The following TMIGD2 variants were observed in gnomAD, a reference collection of about 807,000 sequenced individuals.
TMIGD2 encodes transmembrane and immunoglobulin domain-containing protein 2.
A neutral mutation model predicts 22.6 loss-of-function variants in TMIGD2; 18 were observed. That is an observed-to-expected ratio of 0.80 (90% CI 0.55 to 1.18). The LOEUF (loss-of-function observed/expected upper bound fraction) is 1.18. TMIGD2 is among the 50% of genes most tolerant of loss of function. TMIGD2 has a pLI of 0.00. For missense variants in TMIGD2, 361 were observed against 378.2 expected (o/e 0.95, Z 0.38); for synonymous variants, 184 against 154.1 (o/e 1.19, Z -1.44).
chr19:4,302,239 G>A (rs1279547291), intron 1 of TMIGD2, 101 bp downstream of exon 1: 7 of 1,291,014 alleles, frequency 5.4e-6, no homozygotes, highest in Admixed American at 2.4e-5. Context: ...TTATCTGACA[G>A]TAGAGAGACT....
chr19:4,293,771 G>T (rs1043434616), intron 4 of TMIGD2, among the ~76,000 whole-genome samples: 1 of 149,152 alleles, frequency 6.7e-6, no homozygotes, highest in Non-Finnish European at 1.5e-5. Flanking sequence ...TAATTTTTTT[G>T]TTGTTGTTGA....
At chr19:4,292,722 G>A in exon 5 of TMIGD2, 1 of 1,607,976 alleles carries the variant, frequency 6.2e-7, no homozygotes, top group Non-Finnish European at 8.5e-7. Context: ...GTCTCGGGCT[G>A]GGGCAGGGTC....
Position 4,293,840 on chromosome 19 carries a change from C to A in TMIGD2, c.562+727G>T, listed in dbSNP as rs188381313. Among the ~76,000 whole-genome samples, 228 of 152,064 alleles carry A rather than the reference C, an allele frequency of 1.5e-3. 3 individuals are homozygous for A. In the East Asian group the frequency reaches 0.017, roughly 11 times the overall value. ...GTAGTGAGGCAGTCTGGGCTCACTG[C>A]AATCTCTGCCTCCTGGGTTCCAGTG... On this transcript the variant is annotated intron_variant, in intron 4 of 4. Coordinates refer to ENST00000301272, the Ensembl canonical transcript of TMIGD2.
intron 4 of TMIGD2, among the ~76,000 whole-genome samples, chr19:4,293,379 G>C (rs1230447841): frequency 6.7e-6 from 1 of 148,284 alleles, no homozygotes; most frequent in Non-Finnish European, 1.5e-5. Context: ...TCCTGCCTCA[G>C]TCTCCCTAGT....
intron 4 of TMIGD2, among the ~76,000 whole-genome samples, chr19:4,293,137 G>A (rs1173234581): frequency 6.6e-6 from 1 of 151,644 alleles, no homozygotes; most frequent in Non-Finnish European, 1.5e-5. Flanking sequence ...CTGATTTTTT[G>A]TATTTTTAGT....
chr19:4,296,903 G>C lies in TMIGD2; in HGVS notation c.406+1083C>G, dbSNP rs192431528. On this transcript the variant is annotated intron_variant, in intron 2 of 4. Coordinates refer to ENST00000301272, the Ensembl canonical transcript of TMIGD2. ...TTCTGCCCAGGATGGGTCCATAAGT[G>C]GGGGACATGGCAAAGGGGACAGTGC... 9.2e-5 allele frequency among the ~76,000 whole-genome samples: 14 copies of C among 152,282 alleles called. No individual in the cohort carries two copies. In the East Asian group the frequency reaches 2.7e-3, roughly 29 times the overall value.
chr19:4,296,344 C>G (rs1028132817), intron 2 of TMIGD2, among the ~76,000 whole-genome samples: 32 of 152,336 alleles, frequency 2.1e-4, no homozygotes, highest in Middle Eastern at 3.4e-3. Context: ...CAAGGTCACA[C>G]AGCAAGTAAA....
chr19:4,292,809 C>A (rs757019773), exon 5 of TMIGD2: 20 of 1,613,466 alleles, frequency 1.2e-5, no homozygotes, highest in Non-Finnish European at 1.4e-5. Flanking sequence ...TCTGGTCCTT[C>A]CCCTCTCCAG....
chr19:4,300,940 G>A (rs1203759619), intron 1 of TMIGD2, among the ~76,000 whole-genome samples: 1 of 151,926 alleles, frequency 6.6e-6, no homozygotes, highest in Non-Finnish European at 1.5e-5. Flanking sequence ...TCAGAAAGCA[G>A]GGAAGAAATA....
chr19:4,295,247 C>A, intron 2 of TMIGD2, among the ~76,000 whole-genome samples: 3 of 132,518 alleles, frequency 2.3e-5, no homozygotes, highest in African/African-American at 3.0e-5. Context: ...GGTGACAGAG[C>A]AAGACTCTGC....
intron 2 of TMIGD2, among the ~76,000 whole-genome samples, chr19:4,295,454 G>A (rs2144733419): frequency 6.6e-6 from 1 of 151,912 alleles, no homozygotes; most frequent in South Asian, 2.1e-4. Flanking sequence ...CAGCTACTCG[G>A]GAGGCTGAGG....
chr19:4,299,400 G>A (rs529140429), intron 1 of TMIGD2, among the ~76,000 whole-genome samples: 1 of 151,662 alleles, frequency 6.6e-6, no homozygotes, highest in South Asian at 2.1e-4. Flanking sequence ...CCCCGCTAAC[G>A]CCTCCCAAAG....
intron 4 of TMIGD2, among the ~76,000 whole-genome samples, chr19:4,293,962 A>G (rs1441797964): frequency 6.7e-6 from 1 of 150,008 alleles, no homozygotes; most frequent in African/African-American, 2.5e-5. Flanking sequence ...GGGTTTCACC[A>G]TGTCGCCCAG....
At chr19:4,298,459 G>A (rs73919827) in intron 1 of TMIGD2, 114 bp from the exon 2 acceptor site, 6 of 1,403,936 alleles carry the variant, frequency 4.3e-6, no homozygotes, top group Non-Finnish European at 5.6e-6. Flanking sequence ...TGTCTAAGAC[G>A]GGTGCAGTGG....
At chr19:4,298,415 T>G in intron 1 of TMIGD2, 70 bp from the exon 2 acceptor site, 1 of 1,484,824 alleles carries the variant, frequency 6.7e-7, no homozygotes, top group Admixed American at 2.3e-5. Context: ...CTCACTCCCC[T>G]AGTGAGCCCG....
At chr19:4,294,800 G>T (rs902506582) in exon 3 of TMIGD2, 1 of 1,588,120 alleles carries the variant, frequency 6.3e-7, no homozygotes, top group Non-Finnish European at 8.6e-7. Context: ...TCCGGTTTCT[G>T]TTCTGTGTGG....
chr19:4,299,678 G>T (rs1971509465), intron 1 of TMIGD2, among the ~76,000 whole-genome samples: 1 of 151,984 alleles, frequency 6.6e-6, no homozygotes, highest in Admixed American at 6.6e-5. Context: ...CCTGAGGTCA[G>T]GAGTTCGAGA....
chr19:4,292,602 C>T (rs1971395695), exon 5 of TMIGD2: 1 of 1,613,054 alleles, frequency 6.2e-7, no homozygotes, highest in Non-Finnish European at 8.5e-7. Context: ...GGATCTCTCA[C>T]TCCTCTCCCA....
intron 4 of TMIGD2, among the ~76,000 whole-genome samples, chr19:4,293,163 C>CTG (rs1555728397): frequency 1.6e-4 from 24 of 151,776 alleles, no homozygotes; most frequent in East Asian, 3.9e-4. Context: ...CGGGGTTTCA[C>CTG]TGTTAGCCAG....
Sources: gnomAD v4.1 joint callset for allele counts (sites outside exome capture counted in the v4.1 genomes callset) on GRCh38, gnomAD v4.1.1 for gene constraint, MANE v1.5 for transcripts, NCBI Gene and HGNC (gene_info 2026-07-23, HGNC 2026-07-21) for gene names.